Variants in LRRIQ3 observed in about 807,000 individuals in gnomAD.
The protein encoded by LRRIQ3 is leucine rich repeats and IQ motif containing 3, also known as leucine-rich repeat and IQ domain-containing protein 3.
In LRRIQ3, 75 loss-of-function variants were observed where a neutral mutation model predicts 59.3. That is an observed-to-expected ratio of 1.26 (90% CI 1.05 to 1.53). The LOEUF is 1.53. LRRIQ3 is among the 40% of genes most tolerant of loss of function. The probability of loss-of-function intolerance (pLI) is 0.00; values close to 1 mark genes in which losing one functional copy is unlikely to be tolerated. For synonymous variants in LRRIQ3, 250 were observed against 231.3 expected (o/e 1.08, Z -0.73); for missense variants, 831 against 710.0 (o/e 1.17, Z -1.94).
At chr1:74,177,735 T>C (rs190545221) in intron 3 of LRRIQ3, among the ~76,000 whole-genome samples, 1 of 152,074 alleles carries the variant, frequency 6.6e-6, no homozygotes, top group Admixed American at 6.6e-5. Flanking sequence ...TTATTACAGA[T>C]CATACAATTT....
chr1:74,096,397 A>G (rs1008174035), intron 5 of LRRIQ3, among the ~76,000 whole-genome samples: 1 of 152,160 alleles, frequency 6.6e-6, no homozygotes, highest in African/African-American at 2.4e-5. Flanking sequence ...GAATAACTAC[A>G]AAGATAAATC....
chr1:74,097,625 G>A (rs1299767244), intron 5 of LRRIQ3, among the ~76,000 whole-genome samples: 1 of 152,226 alleles, frequency 6.6e-6, no homozygotes, highest in Non-Finnish European at 1.5e-5. Flanking sequence ...AAGTTGAAAT[G>A]AAGGAAAAAA....
At chr1:74,124,433 A>G (rs1486308494) in intron 4 of LRRIQ3, among the ~76,000 whole-genome samples, 3 of 151,808 alleles carry the variant, frequency 2.0e-5, no homozygotes, top group Admixed American at 2.0e-4. Flanking sequence ...AGCTTGTTGC[A>G]CAGTCCAATG....
At chr1:74,168,007 T>A (rs1007660258) in intron 3 of LRRIQ3, among the ~76,000 whole-genome samples, 1 of 152,036 alleles carries the variant, frequency 6.6e-6, no homozygotes, top group African/African-American at 2.4e-5. Flanking sequence ...TTTAAGGATA[T>A]ATATAGTCTG....
At chr1:74,063,331 C>T (rs1557599058) in intron 6 of LRRIQ3, among the ~76,000 whole-genome samples, 1 of 152,022 alleles carries the variant, frequency 6.6e-6, no homozygotes, top group Admixed American at 6.6e-5. Context: ...ATGGTTTAAA[C>T]TGGAAAATAT....
intron 5 of LRRIQ3, chr1:74,084,053 A>G (rs1045598992): frequency 1.2e-6 from 1 of 839,908 alleles, no homozygotes; most frequent in African/African-American, 1.8e-5. Flanking sequence ...TCAACTTTAC[A>G]CTTATCTTGT....
At chr1:74,167,160 G>A (rs1265120418) in intron 3 of LRRIQ3, among the ~76,000 whole-genome samples, 1 of 151,984 alleles carries the variant, frequency 6.6e-6, no homozygotes, top group Non-Finnish European at 1.5e-5. Context: ...GCACACAGAT[G>A]TTTAGAGCAG....
chr1:74,185,255 T>TC (rs1386314012), intron 1 of LRRIQ3, among the ~76,000 whole-genome samples: 1 of 152,196 alleles, frequency 6.6e-6, no homozygotes, highest in Non-Finnish European at 1.5e-5. Context: ...CCATTTGGAC[T>TC]CCCACCAGCA....
At chr1:74,109,731 C>T (rs1646666781) in intron 4 of LRRIQ3, among the ~76,000 whole-genome samples, 178 bp from the exon 5 acceptor site, 1 of 151,714 alleles carries the variant, frequency 6.6e-6, no homozygotes, top group African/African-American at 2.4e-5. Context: ...TGTTCATCAA[C>T]ATTCATCAGA....
chr1:74,035,155 A>C (rs540383592), intron 7 of LRRIQ3, among the ~76,000 whole-genome samples: 2 of 152,222 alleles, frequency 1.3e-5, no homozygotes, highest in East Asian at 3.9e-4. Context: ...TTCTTTATAG[A>C]GATATAAATA....
chr1:74,047,322 C>A (rs1375984959), intron 6 of LRRIQ3, among the ~76,000 whole-genome samples: 1 of 152,112 alleles, frequency 6.6e-6, no homozygotes, highest in Non-Finnish European at 1.5e-5. Context: ...AACCATCATT[C>A]TCAGCAAACT....
intron 7 of LRRIQ3, among the ~76,000 whole-genome samples, chr1:74,032,185 T>G (rs1474468045): frequency 6.6e-6 from 1 of 152,004 alleles, no homozygotes; most frequent in Non-Finnish European, 1.5e-5. Flanking sequence ...TGTGTTAAAT[T>G]TAAATGTTTT....
Position 74,026,912 on chromosome 1 carries a change from G to C in LRRIQ3, c.1776C>G (p.Ala592=). 1 of 1,600,422 alleles carries C rather than the reference G, an allele frequency of 6.2e-7. No homozygotes were observed. Among genetic ancestry groups the C allele is most frequent in the Non-Finnish European group, 8.5e-7 (1 of 1,171,268 alleles). The change falls in exon 8 of 8, where the codon GCC becomes GCG. Residue 592 remains alanine, a synonymous_variant. Coordinates refer to ENST00000354431, the MANE Select transcript of LRRIQ3 (RefSeq NM_001105659.2). ...CEEKFVMDMI[A]FEKACERLQD... ...GAAGTCTTTCACAGGCTTTTTCAAA[G>C]GCAATCATATCCATAACAAATTTTT...
intron 4 of LRRIQ3, chr1:74,138,450 G>A: frequency 1.0e-6 from 1 of 981,214 alleles, no homozygotes; most frequent in South Asian, 4.7e-5. Context: ...TTACTTTTTG[G>A]TGTCCCATGG....
chr1:74,159,282 A>G (rs1309083857), intron 3 of LRRIQ3, among the ~76,000 whole-genome samples: 1 of 152,060 alleles, frequency 6.6e-6, no homozygotes, highest in East Asian at 1.9e-4. Context: ...TAGCTGACAA[A>G]TTATTCTTTA....
At chr1:74,159,453 G>C (rs573043730) in intron 3 of LRRIQ3, among the ~76,000 whole-genome samples, 145 of 152,194 alleles carry the variant, frequency 9.5e-4, no homozygotes, top group Middle Eastern at 3.4e-3. Flanking sequence ...CTCCAAGCGT[G>C]ACTTAACAAT....
intron 3 of LRRIQ3, among the ~76,000 whole-genome samples, chr1:74,176,776 C>T (rs566462527): frequency 6.6e-6 from 1 of 152,174 alleles, no homozygotes; most frequent in East Asian, 1.9e-4. Flanking sequence ...AGGAGTCTGA[C>T]ACCACCTCAG....
chr1:74,153,932 A>T (rs949142440), intron 4 of LRRIQ3, among the ~76,000 whole-genome samples: 7 of 152,056 alleles, frequency 4.6e-5, no homozygotes, highest in Admixed American at 1.3e-4. Context: ...ACTAAATATA[A>T]CAACAACAAT....
At chr1:74,032,109 G>A (rs1227679560) in intron 7 of LRRIQ3, among the ~76,000 whole-genome samples, 1 of 151,742 alleles carries the variant, frequency 6.6e-6, no homozygotes, top group Non-Finnish European at 1.5e-5. Flanking sequence ...CTCTATGATA[G>A]AAATTAGAAA....
Sources: gnomAD v4.1 joint callset for allele counts (sites outside exome capture counted in the v4.1 genomes callset) on GRCh38, gnomAD v4.1.1 for gene constraint, MANE v1.5 for transcripts, NCBI Gene and HGNC (gene_info 2026-07-23, HGNC 2026-07-21) for gene names.